TAFA5: variants seen among roughly 807,000 people sequenced by gnomAD.
TAFA5 encodes the protein chemokine-like protein TAFA-5.
TAFA5 carries 6 observed loss-of-function variants against 15.3 expected under a neutral mutation model. That is an observed-to-expected ratio of 0.39 (90% CI 0.21 to 0.77). The LOEUF (loss-of-function observed/expected upper bound fraction) is 0.77, where lower values mean the gene tolerates loss of function less well. Ranked by LOEUF, TAFA5 falls within the 30% of genes least tolerant of loss-of-function variation. The pLI, the probability that TAFA5 is intolerant of heterozygous loss-of-function variation, is 0.41. For missense variants in TAFA5, 161 were observed against 193.1 expected (o/e 0.83, Z 0.98); for synonymous variants, 103 against 80.7 (o/e 1.28, Z -1.48).
At chr22:48,559,828 G>A (rs1923164689) in intron 1 of TAFA5, among the ~76,000 whole-genome samples, 1 of 152,172 alleles carries the variant, frequency 6.6e-6, no homozygotes, top group South Asian at 2.1e-4. Context: ...AGGAAGGGAT[G>A]CAGGGGCAGC....
At chr22:48,564,867 G>A (rs753768215) in intron 1 of TAFA5, among the ~76,000 whole-genome samples, 3 of 152,226 alleles carry the variant, frequency 2.0e-5, no homozygotes, top group Non-Finnish European at 2.9e-5. Context: ...GGTGCCTTCG[G>A]TGCCACGCAC....
intron 1 of TAFA5, among the ~76,000 whole-genome samples, chr22:48,568,787 C>A (rs1022856417): frequency 2.6e-5 from 4 of 152,180 alleles, no homozygotes; most frequent in Admixed American, 2.6e-4. Context: ...GCCCCATGAG[C>A]CTGGACTGCC....
At chr22:48,498,428 A>G (rs891494537) in intron 1 of TAFA5, among the ~76,000 whole-genome samples, 10 of 152,034 alleles carry the variant, frequency 6.6e-5, no homozygotes, top group African/African-American at 2.2e-4. Context: ...AGTTTGATTA[A>G]TAATAATAAT....
At position 48,566,991 on chromosome 22, in the gene TAFA5, C is replaced by A. The variant is rs1055216022; in HGVS notation, c.112+77287C>A. ...GCCGCACTGGATTCCCCTTTCCCTG[C>A]GGAAGGGCACTTGCGTTGTCTCCAG... is the stretch of plus-strand genomic sequence containing the variant. On this transcript the variant is annotated intron_variant, in intron 1 of 3. Transcript: ENST00000402357. The surrounding 1 kb of genome is among the most constrained non-coding windows in gnomAD (Gnocchi z 4.5). 1.3e-5 allele frequency among the ~76,000 whole-genome samples: 2 copies of A among 152,328 alleles called. No individual in the cohort carries two copies. The highest frequency in any genetic ancestry group is 4.1e-4 in the South Asian group (2 of 4,820).
At chr22:48,608,692 A>G (rs28373559) in intron 1 of TAFA5, among the ~76,000 whole-genome samples, 102,577 of 152,126 alleles carry the variant, frequency 0.67, 34,648 homozygotes, top group East Asian at 0.7. Context: ...TGCGTGCCAG[A>G]TGTTGGTTGG....
In TAFA5 at chr22:48,560,966, C is replaced by G. The variant is rs1923209983; in HGVS notation, c.112+71262C>G. Reference sequence around the variant, plus strand: ...GCTCCTGTGTGTGAGCAGTTCTCATCCTGTGCAGTCCTCTACACCTGGGGA... The same window carrying G: ...GCTCCTGTGTGTGAGCAGTTCTCATGCTGTGCAGTCCTCTACACCTGGGGA... On this transcript the variant is annotated intron_variant, in intron 1 of 3. Transcript: ENST00000402357. The surrounding 1 kb of genome is among the most constrained non-coding windows in gnomAD (Gnocchi z 4.2). 1.3e-5 allele frequency among the ~76,000 whole-genome samples: 2 copies of G among 152,118 alleles called. No homozygotes were observed. The highest frequency in any genetic ancestry group is 2.9e-5 in the Non-Finnish European group (2 of 68,030).
chr22:48,633,265 C>T lies in TAFA5; in HGVS notation c.113-13332C>T, dbSNP rs999564939. 5.3e-4 allele frequency among the ~76,000 whole-genome samples: 80 copies of T among 152,324 alleles called. 1 individual carries two copies. The highest frequency in any genetic ancestry group is 2.1e-4 in the South Asian group (1 of 4,824). On this transcript the variant is annotated intron_variant, in intron 1 of 3. Transcript: ENST00000402357. ...GGGCACGAATGTCATCTGCCCACCA[C>T]GGCAGGGAGAGTGTTCCAGCATGGC...
At chr22:48,534,083 C>G (rs1312315847) in intron 1 of TAFA5, among the ~76,000 whole-genome samples, 1 of 152,112 alleles carries the variant, frequency 6.6e-6, no homozygotes, top group South Asian at 2.1e-4. Flanking sequence ...ACCCTCACAG[C>G]AGAGGCAAGA....
intron 1 of TAFA5, among the ~76,000 whole-genome samples, chr22:48,536,039 C>A (rs574631421): frequency 6.6e-6 from 1 of 152,166 alleles, no homozygotes; most frequent in Non-Finnish European, 1.5e-5. Context: ...CCCGTGTTGT[C>A]GAGCCCCCGC....
chr22:48,728,224 C>T (rs1478589364), intron 3 of TAFA5, among the ~76,000 whole-genome samples: 1 of 152,216 alleles, frequency 6.6e-6, no homozygotes, highest in Non-Finnish European at 1.5e-5. Flanking sequence ...CACCAGCCCT[C>T]TTTTCCAGTG....
intron 1 of TAFA5, chr22:48,543,251 C>T (rs1922527246): frequency 6.6e-6 from 1 of 152,162 alleles, no homozygotes; most frequent in Non-Finnish European, 1.5e-5. Flanking sequence ...GGCCGCTCCC[C>T]TCCCCGGGGA....
rs1927931965 is a variant in TAFA5, at chr22:48,675,124, T to A, written c.262+28378T>A. Among the ~76,000 whole-genome samples the A allele has an allele frequency of 2.0e-5, 3 of 152,174 alleles. 1 individual carries two copies. In the South Asian group the frequency reaches 6.2e-4, roughly 32 times the overall value. On this transcript the variant is annotated intron_variant, in intron 2 of 3. Transcript: ENST00000402357. ...ACACGGCTAATTTTTGTATTTTTAG[T>A]AGAGATGGGGTTTCACCCTGTTGGC...
chr22:48,718,797 C>A (rs570025981), intron 3 of TAFA5, among the ~76,000 whole-genome samples: 34 of 152,210 alleles, frequency 2.2e-4, no homozygotes, highest in Non-Finnish European at 4.1e-4. Context: ...AGCCTCTTCC[C>A]TCTCTGTTGC....
At chr22:48,693,383 T>TG in intron 2 of TAFA5, 1 of 1,611,038 alleles carries the variant, frequency 6.2e-7, no homozygotes, top group South Asian at 1.1e-5. Context: ...AATGGCCAGG[T>TG]GAGTCGGAGA....
chr22:48,503,961 C>T (rs1364223085), intron 1 of TAFA5, among the ~76,000 whole-genome samples: 2 of 152,218 alleles, frequency 1.3e-5, no homozygotes, highest in Non-Finnish European at 1.5e-5. Flanking sequence ...GGACCACACA[C>T]TCACACTCAG....
At chr22:48,535,259 CCACACA>C (rs139510186) in intron 1 of TAFA5, among the ~76,000 whole-genome samples, 4 of 152,054 alleles carry the variant, frequency 2.6e-5, no homozygotes, top group African/African-American at 9.7e-5. Context: ...GTCTTTTCAT[CCACACA>C]CACACAGTCA....
At chr22:48,739,394 G>A (rs1475939524) in intron 3 of TAFA5, among the ~76,000 whole-genome samples, 2 of 152,096 alleles carry the variant, frequency 1.3e-5, no homozygotes, top group Non-Finnish European at 2.9e-5. Flanking sequence ...AAGAATACAC[G>A]CCTTCCTTTC....
chr22:48,599,352 A>G (rs1028008710), intron 1 of TAFA5, among the ~76,000 whole-genome samples: 4 of 152,224 alleles, frequency 2.6e-5, no homozygotes, highest in African/African-American at 9.6e-5. Flanking sequence ...TGGAGATGGC[A>G]AGGGCTTGAA....
At chr22:48,545,962 A>T (rs1233846350) in intron 1 of TAFA5, among the ~76,000 whole-genome samples, 1 of 151,966 alleles carries the variant, frequency 6.6e-6, no homozygotes, top group Non-Finnish European at 1.5e-5. Context: ...AGGATCTGTG[A>T]GCCTCAAGCA....
Sources: allele counts gnomAD v4.1 joint callset (sites outside exome capture counted in the v4.1 genomes callset), GRCh38; gene constraint gnomAD v4.1.1; non-coding constraint Gnocchi (gnomAD v3.1); transcripts MANE v1.5; gene names NCBI Gene and HGNC (gene_info 2026-07-23, HGNC 2026-07-21).